The following FGF13 variants were observed in gnomAD, a reference collection of about 807,000 sequenced individuals.
FGF13 encodes fibroblast growth factor homologous factor 2.
Under a neutral mutation model 19.5 loss-of-function variants are expected in FGF13, and 2 were observed. That is an observed-to-expected ratio of 0.10 (90% CI 0.04 to 0.32). FGF13 has a LOEUF of 0.32. Among genes scored for constraint, FGF13 ranks in the 10% least tolerant of loss-of-function variants. The pLI is 1.00. For missense variants in FGF13, 113 were observed against 192.7 expected (o/e 0.59, Z 2.45); for synonymous variants, 72 against 76.9 (o/e 0.94, Z 0.33).
intron 1 of FGF13, among the ~76,000 whole-genome samples, chrX:138,999,876 AC>A (rs2092064006): frequency 8.9e-6 from 1 of 112,052 alleles, no homozygotes; most frequent in Non-Finnish European, 1.9e-5. Flanking sequence ...TGGCAGAGAC[AC>A]AACAAAAAAA....
chrX:138,797,908 AT>A (rs1317755866), intron 3 of FGF13, among the ~76,000 whole-genome samples: 22 of 111,966 alleles, frequency 2.0e-4, no homozygotes, highest in Non-Finnish European at 3.8e-4. Flanking sequence ...TTGCACATTG[AT>A]TTTGTAACCT....
intron 1 of FGF13, among the ~76,000 whole-genome samples, chrX:138,956,368 C>T (rs2091841417): frequency 9.0e-6 from 1 of 111,606 alleles, no homozygotes; most frequent in South Asian, 3.7e-4. Context: ...ATTTCCTTTG[C>T]CTGTTGCTCA....
At chrX:138,805,864 C>T (rs1400335568) in intron 3 of FGF13, among the ~76,000 whole-genome samples, 2 of 110,746 alleles carry the variant, frequency 1.8e-5, no homozygotes, top group East Asian at 5.7e-4. Flanking sequence ...TTCACTCCCA[C>T]TTTTAATCCT....
At chrX:139,011,590 CAT>C (rs1045033902) in intron 1 of FGF13, among the ~76,000 whole-genome samples, 1 of 111,398 alleles carries the variant, frequency 9.0e-6, no homozygotes, top group Admixed American at 9.5e-5. Context: ...ACAAAAATCA[CAT>C]GATTATTTCA....
intron 1 of FGF13, among the ~76,000 whole-genome samples, chrX:139,061,546 T>C (rs779810255): frequency 4.5e-5 from 5 of 111,507 alleles, no homozygotes; most frequent in Non-Finnish European, 7.5e-5. Flanking sequence ...CATGAGGCTC[T>C]CATTAGATGC....
intron 3 of FGF13, among the ~76,000 whole-genome samples, chrX:138,755,454 T>C (rs1474171445): frequency 8.9e-6 from 1 of 112,678 alleles, no homozygotes; most frequent in Non-Finnish European, 1.9e-5. Flanking sequence ...TCTAAACTTA[T>C]AATAAGAACT....
intron 3 of FGF13, among the ~76,000 whole-genome samples, chrX:138,830,950 G>A (rs2091068891): frequency 9.1e-6 from 1 of 110,478 alleles, no homozygotes; most frequent in African/African-American, 3.3e-5. Context: ...GGGCAGAATG[G>A]TTTTGGGTGA....
At chrX:138,975,681 G>T (rs898838615) in intron 1 of FGF13, among the ~76,000 whole-genome samples, 1 of 111,699 alleles carries the variant, frequency 9.0e-6, no homozygotes, top group Non-Finnish European at 1.9e-5. Flanking sequence ...GAGGAAGAAT[G>T]GTGTGAGCAA....
intron 1 of FGF13, among the ~76,000 whole-genome samples, chrX:139,145,108 A>T (rs2083877331): frequency 8.9e-6 from 1 of 111,829 alleles, no homozygotes; most frequent in South Asian, 3.8e-4. Context: ...GGACAGCTGG[A>T]TTCTTATGTT....
At chrX:138,751,551 A>G (rs1410055455) in intron 3 of FGF13, among the ~76,000 whole-genome samples, 1 of 111,504 alleles carries the variant, frequency 9.0e-6, no homozygotes, top group Non-Finnish European at 1.9e-5. Context: ...TTCTTTCACA[A>G]CTTATATCAT....
At chrX:138,798,758 A>G (rs1436027323) in intron 3 of FGF13, among the ~76,000 whole-genome samples, 1 of 111,897 alleles carries the variant, frequency 8.9e-6, no homozygotes, top group East Asian at 2.8e-4. Context: ...TTATTGGTCT[A>G]TTCAGGGATT....
chrX:138,996,334 G>A (rs1012301869), intron 1 of FGF13, among the ~76,000 whole-genome samples: 4 of 112,537 alleles, frequency 3.6e-5, no homozygotes, highest in Middle Eastern at 4.6e-3. Context: ...CAGATACTGC[G>A]CTTTTCCCAC....
At chrX:139,080,459 TGAA>T (rs1485101659) in intron 1 of FGF13, among the ~76,000 whole-genome samples, 1 of 112,080 alleles carries the variant, frequency 8.9e-6, no homozygotes, top group East Asian at 2.8e-4. Context: ...TTAATGAGGC[TGAA>T]GAAGATGAAT....
At chrX:138,903,126 G>A (rs912056971) in intron 1 of FGF13, among the ~76,000 whole-genome samples, 6 of 111,808 alleles carry the variant, frequency 5.4e-5, no homozygotes, top group South Asian at 7.5e-4. Context: ...TCCCATTACT[G>A]AATATGCCAA....
intron 3 of FGF13, among the ~76,000 whole-genome samples, chrX:138,668,162 G>A (rs1400628368): frequency 9.0e-6 from 1 of 111,390 alleles, no homozygotes; most frequent in Non-Finnish European, 1.9e-5. Flanking sequence ...AAAATGCTGT[G>A]CATGTATTAT....
At chrX:138,728,649 G>C (rs1362207826) in intron 1 of FGF13, among the ~76,000 whole-genome samples, 1 of 110,695 alleles carries the variant, frequency 9.0e-6, no homozygotes, top group Non-Finnish European at 1.9e-5. Flanking sequence ...GGAGGGCTGA[G>C]AGAGACCTCC....
At chrX:139,012,379 C>G (rs2092132741) in intron 1 of FGF13, among the ~76,000 whole-genome samples, 2 of 110,947 alleles carry the variant, frequency 1.8e-5, no homozygotes. Flanking sequence ...AAAAAGAGCC[C>G]ACATAGCCAA....
At chrX:139,164,730 G>A (rs867333456) in intron 1 of FGF13, among the ~76,000 whole-genome samples, 1 of 71,298 alleles carries the variant, frequency 1.4e-5, no homozygotes. Context: ...TAAATGAATG[G>A]AGAATTCTAT....
chrX:138,773,491 A>T (rs1046008164), intron 3 of FGF13, among the ~76,000 whole-genome samples: 1 of 112,352 alleles, frequency 8.9e-6, no homozygotes, highest in Non-Finnish European at 1.9e-5. Flanking sequence ...ACTACAGCCC[A>T]TCATGATCCC....
Sources: gnomAD v4.1 joint callset for allele counts (sites outside exome capture counted in the v4.1 genomes callset) on GRCh38, gnomAD v4.1.1 for gene constraint, MANE v1.5 for transcripts, NCBI Gene and HGNC (gene_info 2026-07-23, HGNC 2026-07-21) for gene names.